The following INSR variants were observed in gnomAD, a reference collection of about 807,000 sequenced individuals.
The protein encoded by INSR is insulin receptor.
In INSR, 67 loss-of-function variants were observed where a neutral mutation model predicts 142.6. The ratio of observed to expected loss-of-function variants is 0.47; its 90% CI spans 0.39 to 0.58. INSR has a LOEUF of 0.58. Among genes scored for constraint, INSR ranks in the 20% least tolerant of loss-of-function variants. The pLI is 0.00. For missense variants in INSR, 1,248 were observed against 1,833.2 expected (o/e 0.68, Z 5.83); for synonymous variants, 756 against 743.1 (o/e 1.02, Z -0.28).
In INSR at chr19:7,132,155, T is replaced by C. The variant is rs1463934552; in HGVS notation, c.2842+3A>G. On this transcript the variant is annotated splice_donor_region_variant and intron_variant, in intron 14 of 21. Transcript: ENST00000302850. ...GTCAGCTGAGGCTGCCATGGAGACTTACAATAGTCTGTCACGTAGAAATAG... is the reference window on the plus strand; with the variant it reads ...GTCAGCTGAGGCTGCCATGGAGACTCACAATAGTCTGTCACGTAGAAATAG... 1.2e-6 allele frequency: 2 copies of C among 1,614,094 alleles called. No homozygotes were observed. Among genetic ancestry groups the C allele is most frequent in the Admixed American group, 3.3e-5 (2 of 60,016 alleles).
intron 5 of INSR, among the ~76,000 whole-genome samples, chr19:7,171,574 A>T (rs189223879): frequency 6.6e-6 from 1 of 152,252 alleles, no homozygotes; most frequent in Admixed American, 6.5e-5. Flanking sequence ...ATATACTGGA[A>T]TATACTGAGA....
Position 7,151,035 on chromosome 19 carries a change from CTTTTT to C in INSR, c.2232-508_2232-504del, listed in dbSNP as rs780375042. On this transcript the variant is annotated intron_variant, in intron 10 of 21. Coordinates refer to ENST00000302850, the MANE Select transcript of INSR (RefSeq NM_000208.4). ...TTGCTTTCTTTCTCTTTCCTTCCTTCTTTTTTTCATTTTCTTTCTCTTTCTTTTCT... is the reference window on the plus strand; with the variant it reads ...TTGCTTTCTTTCTCTTTCCTTCCTTCTTCATTTTCTTTCTCTTTCTTTTCT... Among the ~76,000 whole-genome samples, 16 of 130,444 alleles carry C rather than the reference CTTTTT, an allele frequency of 1.2e-4. 1 individual carries two copies. Among genetic ancestry groups the C allele is most frequent in the Non-Finnish European group, 2.3e-4 (14 of 59,798 alleles). The allele number at this position is 130,444 out of a possible 152,430, so 85.6% of individuals were successfully genotyped here.
chr19:7,249,854 T>C (rs889567996), intron 2 of INSR, among the ~76,000 whole-genome samples: 1 of 151,830 alleles, frequency 6.6e-6, no homozygotes, highest in Non-Finnish European at 1.5e-5. Context: ...TAGCCGGGCG[T>C]GGTGGCAGGT....
At position 7,267,903 on chromosome 19, in the gene INSR, G is replaced by A. The variant is rs769811633; in HGVS notation, c.101-7C>T. On this transcript the variant is annotated splice_polypyrimidine_tract_variant and splice_region_variant and intron_variant, in intron 1 of 21. Coordinates refer to ENST00000302850, the MANE Select transcript of INSR (RefSeq NM_000208.4). This position sits in a 1 kb window ranked among gnomAD's most constrained non-coding sequence, Gnocchi z 6.3. ...ATATCCATGCCGGGACACACTACAA[G>A]AGAAAATGAACAGAAAGCAAGACAG... is the stretch of plus-strand genomic sequence containing the variant. 32 of 1,612,274 alleles carry A rather than the reference G, an allele frequency of 2.0e-5. No individual in the cohort carries two copies. Among genetic ancestry groups the A allele is most frequent in the Non-Finnish European group, 2.4e-5 (28 of 1,179,090 alleles).
At chr19:7,141,412 G>C (rs1973066921) in intron 13 of INSR, 1 of 507,548 alleles carries the variant, frequency 2.0e-6, no homozygotes, top group African/African-American at 1.9e-5. Context: ...GTCTCCTGTT[G>C]TGGTGGGAGG....
intron 1 of INSR, among the ~76,000 whole-genome samples, chr19:7,274,058 A>G (rs561215827): frequency 2.6e-5 from 4 of 152,194 alleles, no homozygotes; most frequent in Admixed American, 2.6e-4. Flanking sequence ...GATTAATGAG[A>G]TAGTCCACAG....
At chr19:7,164,374 G>A (rs1214071863) in intron 8 of INSR, among the ~76,000 whole-genome samples, 20 of 151,538 alleles carry the variant, frequency 1.3e-4, no homozygotes, top group Admixed American at 1.3e-3. Context: ...TATAAGAGAA[G>A]CACTTAGGTT....
At chr19:7,143,709 C>T (rs2144864619) in intron 11 of INSR, among the ~76,000 whole-genome samples, 1 of 152,184 alleles carries the variant, frequency 6.6e-6, no homozygotes, top group African/African-American at 2.4e-5. Context: ...ACATATTAAA[C>T]AACAAAGGTT....
At chr19:7,198,212 G>A (rs1257260235) in intron 2 of INSR, among the ~76,000 whole-genome samples, 5 of 151,430 alleles carry the variant, frequency 3.3e-5, no homozygotes, top group East Asian at 2.0e-4. Flanking sequence ...CGGCCGCAGC[G>A]CCGCCCTCGC....
chr19:7,258,555 C>G (rs1976964921), intron 2 of INSR, among the ~76,000 whole-genome samples: 1 of 149,636 alleles, frequency 6.7e-6, no homozygotes, highest in Non-Finnish European at 1.5e-5. Flanking sequence ...CAAACCATTC[C>G]CCAGCTAGGT....
intron 9 of INSR, among the ~76,000 whole-genome samples, chr19:7,153,473 C>CGCACCAT (rs1171753887): frequency 7.4e-6 from 1 of 134,674 alleles, no homozygotes; most frequent in African/African-American, 2.8e-5. Flanking sequence ...ACACCACACA[C>CGCACCAT]ACACCACACA....
At chr19:7,265,796 G>A (rs1967708361) in intron 2 of INSR, among the ~76,000 whole-genome samples, 1 of 151,088 alleles carries the variant, frequency 6.6e-6, no homozygotes, top group African/African-American at 2.4e-5. Context: ...ATGGGTAGAA[G>A]AAGACTTTCT....
At chr19:7,241,573 G>A (rs1976344236) in intron 2 of INSR, among the ~76,000 whole-genome samples, 1 of 152,108 alleles carries the variant, frequency 6.6e-6, no homozygotes. Context: ...AGTGAGCTGA[G>A]ATCGTGCCAG....
chr19:7,261,521 C>G (rs773556586), intron 2 of INSR, among the ~76,000 whole-genome samples: 1 of 151,730 alleles, frequency 6.6e-6, no homozygotes, highest in Non-Finnish European at 1.5e-5. Context: ...CTTTTAATTC[C>G]CCTAACCATT....
At chr19:7,265,643 G>A (rs1041766182) in intron 2 of INSR, among the ~76,000 whole-genome samples, 3 of 151,350 alleles carry the variant, frequency 2.0e-5, no homozygotes, top group African/African-American at 4.9e-5. Context: ...GCTGGGGCAG[G>A]AGAACCGCTT....
chr19:7,203,909 T>C (rs1008138682), intron 2 of INSR, among the ~76,000 whole-genome samples: 2 of 152,168 alleles, frequency 1.3e-5, no homozygotes, highest in African/African-American at 4.8e-5. Context: ...TCAGATGGAG[T>C]TTCACTCTTG....
intron 9 of INSR, among the ~76,000 whole-genome samples, chr19:7,162,326 CAAAAA>C (rs34182944): frequency 1.6e-5 from 1 of 63,096 alleles, no homozygotes. Context: ...GACCCTGTCT[CAAAAA>C]AAAAAAAAAA....
intron 7 of INSR, among the ~76,000 whole-genome samples, chr19:7,167,149 AT>A (rs1973906607): frequency 6.6e-6 from 1 of 152,150 alleles, no homozygotes; most frequent in Non-Finnish European, 1.5e-5. Flanking sequence ...TAAATTTCAG[AT>A]TTTCAGATTA....
chr19:7,182,599 A>AC (rs1355811552), intron 3 of INSR, among the ~76,000 whole-genome samples: 5 of 152,036 alleles, frequency 3.3e-5, no homozygotes, highest in Non-Finnish European at 7.4e-5. Context: ...GTGACAATGC[A>AC]CCCCCCTCTC....
Sources: gnomAD v4.1 joint callset for allele counts (sites outside exome capture counted in the v4.1 genomes callset) on GRCh38, gnomAD v4.1.1 for gene constraint, Gnocchi (gnomAD v3.1) non-coding constraint, MANE v1.5 for transcripts, NCBI Gene and HGNC (gene_info 2026-07-23, HGNC 2026-07-21) for gene names.